Variants in IMPG1 observed in about 807,000 individuals in gnomAD.
IMPG1 encodes the protein interphotoreceptor matrix proteoglycan of 150 kDa.
In IMPG1, 85 loss-of-function variants were observed where a neutral mutation model predicts 92.0. The ratio of observed to expected loss-of-function variants is 0.92; its 90% CI spans 0.78 to 1.11. The LOEUF is 1.11. Ranked by LOEUF, IMPG1 falls within the 50% of genes least tolerant of loss-of-function variation. The pLI, the probability that IMPG1 is intolerant of heterozygous loss-of-function variation, is 0.00. For missense variants in IMPG1, 1,022 were observed against 956.0 expected (o/e 1.07, Z -0.91); for synonymous variants, 367 against 334.1 (o/e 1.10, Z -1.08).
At chr6:75,984,959 T>G (rs542833582) in intron 12 of IMPG1, among the ~76,000 whole-genome samples, 1 of 152,208 alleles carries the variant, frequency 6.6e-6, no homozygotes, top group East Asian at 1.9e-4. Flanking sequence ...GTTGGTGCCA[T>G]GTTTGTACAG....
chr6:75,977,587 CA>C (rs59746948), intron 12 of IMPG1, among the ~76,000 whole-genome samples: 58,546 of 121,116 alleles, frequency 0.48, 11,973 homozygotes, highest in East Asian at 0.69. Context: ...AACTCTGCCT[CA>C]AAAAAAAAAA....
At chr6:76,042,835 G>T (rs1427223959) in intron 1 of IMPG1, among the ~76,000 whole-genome samples, 2 of 152,082 alleles carry the variant, frequency 1.3e-5, no homozygotes, top group Non-Finnish European at 2.9e-5. Flanking sequence ...ATTAGGGTTA[G>T]GTCTAGACTG....
rs983871663 is a variant in IMPG1 at position 75,921,433 on chromosome 6, A to T, written c.*656T>A. 3 of 152,378 alleles carry T rather than the reference A, an allele frequency of 2.0e-5. No individual in the cohort carries two copies. The highest frequency in any genetic ancestry group is 7.2e-5 in the African/African-American group (3 of 41,444). The allele number at this position is 152,378 out of a possible 1,614,324, so 9.4% of individuals were successfully genotyped here. Reference sequence around the variant, plus strand: ...TTTGTGTAGTAACAAGAAAAGTAAGATTTTTCCATGGTATGTGTATCTGAA... The same window carrying T: ...TTTGTGTAGTAACAAGAAAAGTAAGTTTTTTCCATGGTATGTGTATCTGAA... On this transcript the variant is annotated 3_prime_UTR_variant, in exon 17 of 17. Transcript: ENST00000369950.
chr6:75,939,375 G>A (rs917967964), intron 14 of IMPG1, among the ~76,000 whole-genome samples: 14 of 147,816 alleles, frequency 9.5e-5, no homozygotes, highest in African/African-American at 3.2e-4. Context: ...AACAGGCCCC[G>A]GTGTGTGATG....
chr6:75,964,992 A>AAC (rs1470696677), intron 12 of IMPG1, among the ~76,000 whole-genome samples: 87 of 152,344 alleles, frequency 5.7e-4, no homozygotes, highest in African/African-American at 2.0e-3. Flanking sequence ...CTTACTCAGT[A>AAC]TAACTCTGGA....
chr6:75,995,268 C>T lies in IMPG1; in HGVS notation c.1291+7650G>A, dbSNP rs557528816. Among the ~76,000 whole-genome samples the T allele has an allele frequency of 2.6e-5, 4 of 152,328 alleles. No individual in the cohort carries two copies. In the South Asian group the frequency reaches 8.3e-4, roughly 32 times the overall value. On this transcript the variant is annotated intron_variant, in intron 12 of 16. Transcript: ENST00000369950. ...TTGATTGCTTGCATTTGCTGACCTCCAGCCAGTTCTCCACAATATAGTCAG... is the reference window on the plus strand; with the variant it reads ...TTGATTGCTTGCATTTGCTGACCTCTAGCCAGTTCTCCACAATATAGTCAG...
intron 1 of IMPG1, among the ~76,000 whole-genome samples, chr6:76,053,074 C>A (rs1784069214): frequency 6.6e-6 from 1 of 152,182 alleles, no homozygotes; most frequent in African/African-American, 2.4e-5. Flanking sequence ...CTCATCTTTA[C>A]ATTAACTGAA....
At chr6:76,046,154 A>G in intron 1 of IMPG1, among the ~76,000 whole-genome samples, 1 of 152,188 alleles carries the variant, frequency 6.6e-6, no homozygotes, top group East Asian at 1.9e-4. Flanking sequence ...TCCATATATC[A>G]GTCCTATTTC....
intron 5 of IMPG1, among the ~76,000 whole-genome samples, chr6:76,023,732 G>A (rs1783474646): frequency 6.6e-6 from 1 of 152,038 alleles, no homozygotes; most frequent in South Asian, 2.1e-4. Context: ...ATTGTCCACT[G>A]ATCCCTCAAA....
At chr6:76,051,696 A>G (rs1784044907) in intron 1 of IMPG1, among the ~76,000 whole-genome samples, 1 of 152,160 alleles carries the variant, frequency 6.6e-6, no homozygotes, top group African/African-American at 2.4e-5. Flanking sequence ...GCTTTTGAAA[A>G]TTGGATGCCA....
At position 75,950,880 on chromosome 6, in the gene IMPG1, A is replaced by G. The variant is rs1482305600; in HGVS notation, c.1506T>C (p.Ser502=). 6.2e-7 allele frequency: 1 copy of G among 1,613,920 alleles called. No individual in the cohort carries two copies. Among genetic ancestry groups the G allele is most frequent in the South Asian group, 1.1e-5 (1 of 91,072 alleles). The change falls in exon 13 of 17, where the codon TCT becomes TCC. Residue 502 remains serine, a synonymous_variant. Coordinates refer to ENST00000369950, the MANE Select transcript of IMPG1 (RefSeq NM_001563.4). ...LALGISHPPA[S]SDDSRSSAGG... Reference sequence around the variant, plus strand: ...CTGCACTTGATCGGCTGTCATCTGAAGATGCAGGTGGATGTGAAATTCCCA... The same window carrying G: ...CTGCACTTGATCGGCTGTCATCTGAGGATGCAGGTGGATGTGAAATTCCCA...
chr6:76,041,951 A>T lies in IMPG1; in HGVS notation c.243T>A (p.Cys81Ter). The T allele has an allele frequency of 6.2e-7, 1 of 1,614,032 alleles. No homozygotes were observed. The highest frequency in any genetic ancestry group is 1.3e-5 in the African/African-American group (1 of 75,068). ...SAFFPTGVKV[C>*]PQESMKQILD... ...AAATCTGTTTCATGGATTCCTGTGG[A>T]CAGACTTTAACCCCCGTTGGGAAAA... The change falls in exon 2 of 17, where the codon TGT becomes TGA. Residue 81 changes from cysteine (C) to a stop codon, truncating the protein, a stop_gained. Transcript: ENST00000369950. LOFTEE classifies it high-confidence loss of function.
intron 12 of IMPG1, among the ~76,000 whole-genome samples, chr6:75,992,856 A>G (rs1171832808): frequency 2.0e-5 from 3 of 152,102 alleles, no homozygotes; most frequent in Non-Finnish European, 4.4e-5. Flanking sequence ...TACCCTTCTC[A>G]ACCCAAGCAA....
chr6:76,011,664 C>T (rs2149479983), intron 7 of IMPG1, among the ~76,000 whole-genome samples: 1 of 151,242 alleles, frequency 6.6e-6, no homozygotes, highest in East Asian at 1.9e-4. Flanking sequence ...ATACATGTGC[C>T]ATGCTGGTGC....
chr6:76,040,916 AG>A (rs1298267986), intron 2 of IMPG1, among the ~76,000 whole-genome samples: 1 of 152,190 alleles, frequency 6.6e-6, no homozygotes, highest in Non-Finnish European at 1.5e-5. Flanking sequence ...AACACATCAC[AG>A]GCTGGAATTG....
rs186118060 is a variant in IMPG1, at chr6:76,019,372, A to C, written c.667-514T>G. Among the ~76,000 whole-genome samples the C allele has an allele frequency of 3.9e-4, 60 of 152,372 alleles. 1 individual carries two copies. The highest frequency in any genetic ancestry group is 7.8e-4 in the Admixed American group (12 of 15,308). ...TACCCAGAAGATACTAAGGCCCATT[A>C]GTTTTCTTAAAAAAGTAAAATTATC... is the stretch of plus-strand genomic sequence containing the variant. On this transcript the variant is annotated intron_variant, in intron 6 of 16. Coordinates refer to ENST00000369950, the MANE Select transcript of IMPG1 (RefSeq NM_001563.4).
rs558501371 is a variant in IMPG1 at position 75,945,646 on chromosome 6, C to T, written c.2044+1668G>A. ...GATTATGGGTGTGAGCCACCACACCCGGCCAAAATTTCTCCATTTTCCATT... is the reference window on the plus strand; with the variant it reads ...GATTATGGGTGTGAGCCACCACACCTGGCCAAAATTTCTCCATTTTCCATT... On this transcript the variant is annotated intron_variant, in intron 14 of 16. Transcript: ENST00000369950. Among the ~76,000 whole-genome samples the T allele has an allele frequency of 5.9e-5, 9 of 152,104 alleles. No individual in the cohort carries two copies. The South Asian group carries it at 1.0e-3, about 18-fold the overall frequency.
chr6:75,924,656 TAATATATAATAA>T (rs1361312607), intron 15 of IMPG1, among the ~76,000 whole-genome samples: 25 of 912 alleles, frequency 0.027, no homozygotes, highest in South Asian at 0.1. Flanking sequence ...TAATTATATA[TAATATATAATAA>T]ATTATATATT....
chr6:76,063,390 T>G (rs1784242814), intron 1 of IMPG1, among the ~76,000 whole-genome samples: 1 of 152,050 alleles, frequency 6.6e-6, no homozygotes, highest in African/African-American at 2.4e-5. Flanking sequence ...AGCAAGAGGT[T>G]GTCAGAGATG....
Sources: allele counts gnomAD v4.1 joint callset (sites outside exome capture counted in the v4.1 genomes callset), GRCh38; gene constraint gnomAD v4.1.1; transcripts MANE v1.5; gene names NCBI Gene and HGNC (gene_info 2026-07-23, HGNC 2026-07-21).